Variants in ZNF365 observed in about 807,000 individuals in gnomAD.
The protein encoded by ZNF365 is protein ZNF365.
In ZNF365, 22 loss-of-function variants were observed where a neutral mutation model predicts 35.0. That is an observed-to-expected ratio of 0.63 (90% CI 0.45 to 0.90). ZNF365 has a LOEUF of 0.90. Among genes scored for constraint, ZNF365 ranks in the 40% least tolerant of loss-of-function variants. The pLI, the probability that ZNF365 is intolerant of heterozygous loss-of-function variation, is 0.00. For missense variants in ZNF365, 448 were observed against 500.3 expected, an observed-to-expected ratio of 0.90 and a Z score of 1.00; for synonymous variants, 188 against 196.2, an observed-to-expected ratio of 0.96 and a Z score of 0.35.
chr10:62,409,474 C>T (rs543908315), intron 3 of ZNF365, among the ~76,000 whole-genome samples: 1 of 152,232 alleles, frequency 6.6e-6, no homozygotes, highest in Admixed American at 6.5e-5. Context: ...ATGAATAGAC[C>T]ACAGCTGCTT....
chr10:62,429,471 T>C (rs1185021242), intron 3 of ZNF365, among the ~76,000 whole-genome samples: 1 of 152,196 alleles, frequency 6.6e-6, no homozygotes, highest in East Asian at 1.9e-4. Flanking sequence ...CAGAACTAGA[T>C]TTTGACCTTG....
chr10:62,434,702 T>G (rs114795119), intron 3 of ZNF365, among the ~76,000 whole-genome samples: 2,044 of 152,234 alleles, frequency 0.013, 49 homozygotes, highest in African/African-American at 0.047. Flanking sequence ...CAAGGAAGTA[T>G]ACTGGAAATC....
chr10:62,384,997 G>A (rs1444965634), intron 2 of ZNF365, among the ~76,000 whole-genome samples: 1 of 152,176 alleles, frequency 6.6e-6, no homozygotes, highest in Non-Finnish European at 1.5e-5. Flanking sequence ...CGGTGGATCT[G>A]AGATGTACAC....
chr10:62,419,737 T>G (rs1840136896), intron 3 of ZNF365, among the ~76,000 whole-genome samples: 1 of 152,148 alleles, frequency 6.6e-6, no homozygotes, highest in Admixed American at 6.5e-5. Context: ...TGTTATTTAT[T>G]GTTGTTTTTG....
chr10:62,449,616 A>G (rs934872006), intron 3 of ZNF365, among the ~76,000 whole-genome samples: 1 of 152,202 alleles, frequency 6.6e-6, no homozygotes, highest in Non-Finnish European at 1.5e-5. Context: ...ATTCTTCTGT[A>G]AGCTCTAGCT....
intron 4 of ZNF365, among the ~76,000 whole-genome samples, chr10:62,472,486 A>C (rs1244695770): frequency 6.6e-6 from 1 of 152,170 alleles, no homozygotes; most frequent in African/African-American, 2.4e-5. Flanking sequence ...ATTTGAACAC[A>C]GGCAACACAT....
At chr10:62,461,495 C>T (rs771085198) in intron 4 of ZNF365, among the ~76,000 whole-genome samples, 54 of 152,310 alleles carry the variant, frequency 3.5e-4, no homozygotes, top group Middle Eastern at 6.8e-3. Context: ...CTTGGGTGGA[C>T]GCCCTGCCTG....
chr10:62,410,371 C>T (rs913601581), intron 3 of ZNF365, among the ~76,000 whole-genome samples: 1 of 152,064 alleles, frequency 6.6e-6, no homozygotes, highest in East Asian at 1.9e-4. Context: ...CTCTCTCTCT[C>T]TTTTTTTGTC....
At chr10:62,462,339 G>C (rs916816551) in intron 4 of ZNF365, among the ~76,000 whole-genome samples, 1 of 152,240 alleles carries the variant, frequency 6.6e-6, no homozygotes, top group Non-Finnish European at 1.5e-5. Flanking sequence ...CCTAGAGAAA[G>C]CTTCTTTAGG....
intron 4 of ZNF365, chr10:62,479,854 T>A (rs752616731): frequency 1.3e-6 from 2 of 1,568,400 alleles, no homozygotes; most frequent in African/African-American, 2.7e-5. Flanking sequence ...CTACTAACTT[T>A]CCTTTTGGCT....
chr10:62,425,153 A>C (rs1299346172), intron 3 of ZNF365, among the ~76,000 whole-genome samples: 9 of 152,200 alleles, frequency 5.9e-5, no homozygotes, highest in Admixed American at 5.9e-4. Context: ...TTTAAATGTT[A>C]CGTTTAAGTT....
intron 3 of ZNF365, among the ~76,000 whole-genome samples, chr10:62,428,965 G>A (rs1356977827): frequency 6.6e-6 from 1 of 152,204 alleles, no homozygotes; most frequent in African/African-American, 2.4e-5. Context: ...CTATCAGTGT[G>A]CAGTCACTAA....
At position 62,416,201 on chromosome 10, in the gene ZNF365, G is replaced by C. The variant is rs559398885; in HGVS notation, c.924+27625G>C. Among the ~76,000 whole-genome samples, 8 of 15,132 alleles carry C rather than the reference G, an allele frequency of 5.3e-4. No homozygotes were observed. In the South Asian group the frequency reaches 0.029, roughly 56 times the overall value. 9.9% of individuals were successfully genotyped at this position (15,132 alleles called of 152,430 possible). A position where few individuals can be genotyped will look rare whatever the true frequency, so the allele number is the denominator to read the frequency against. On this transcript the variant is annotated intron_variant, in intron 3 of 4. Coordinates refer to the ZNF365 transcript ENST00000395255. ...CTCCCTCAGCACAGGTCCTTACACA[G>C]GTCAAGTGTCTTAACTTCTACCTGG...
At chr10:62,379,089 G>A (rs768369892) in intron 2 of ZNF365, among the ~76,000 whole-genome samples, 13 of 148,502 alleles carry the variant, frequency 8.8e-5, no homozygotes, top group Non-Finnish European at 1.3e-4. Context: ...ATGGCATGAC[G>A]TCAGCTCACT....
chr10:62,452,900 C>A (rs1564595464), intron 3 of ZNF365, among the ~76,000 whole-genome samples: 1 of 152,230 alleles, frequency 6.6e-6, no homozygotes, highest in Non-Finnish European at 1.5e-5. Context: ...TTCCTACTGC[C>A]ACCTTCATTG....
At chr10:62,453,779 A>G (rs1333933763) in intron 3 of ZNF365, among the ~76,000 whole-genome samples, 2 of 152,228 alleles carry the variant, frequency 1.3e-5, no homozygotes, top group Non-Finnish European at 1.5e-5. Flanking sequence ...GTATGTAGCC[A>G]TAAAGATGTT....
At chr10:62,415,402 C>G (rs1039015165) in intron 3 of ZNF365, among the ~76,000 whole-genome samples, 6 of 152,126 alleles carry the variant, frequency 3.9e-5, no homozygotes, top group African/African-American at 1.4e-4. Flanking sequence ...TTTGGTAAGA[C>G]TCAGTCTACC....
chr10:62,382,297 C>A (rs190601142), intron 2 of ZNF365, among the ~76,000 whole-genome samples: 2 of 152,162 alleles, frequency 1.3e-5, no homozygotes, highest in Admixed American at 6.5e-5. Flanking sequence ...AAGAAAAAAT[C>A]ACATTGGATA....
chr10:62,447,699 A>C (rs1840613169), intron 3 of ZNF365, among the ~76,000 whole-genome samples: 1 of 152,006 alleles, frequency 6.6e-6, no homozygotes, highest in Non-Finnish European at 1.5e-5. Context: ...TCTGTGCTTT[A>C]CCCCTTTCTT....
Sources: allele counts gnomAD v4.1 joint callset (sites outside exome capture counted in the v4.1 genomes callset), GRCh38; gene constraint gnomAD v4.1.1; transcripts MANE v1.5; gene names NCBI Gene and HGNC (gene_info 2026-07-23, HGNC 2026-07-21).